Variants in CCDC73 observed in about 807,000 individuals in gnomAD.
The protein encoded by CCDC73 is coiled-coil domain containing 73.
Under a neutral mutation model 116.5 loss-of-function variants are expected in CCDC73, and 95 were observed. The observed-to-expected ratio is 0.82, with a 90% CI of 0.69 to 0.97. The LOEUF is 0.97. Among genes scored for constraint, CCDC73 ranks in the 50% least tolerant of loss-of-function variants. The probability of loss-of-function intolerance (pLI) is 0.00; values close to 1 mark genes in which losing one functional copy is unlikely to be tolerated. For synonymous variants in CCDC73, 398 were observed against 401.3 expected (o/e 0.99, Z 0.10); for missense variants, 1,066 against 1,206.8 (o/e 0.88, Z 1.73).
At chr11:32,641,382 A>G (rs561282856) in intron 13 of CCDC73, among the ~76,000 whole-genome samples, 1 of 152,184 alleles carries the variant, frequency 6.6e-6, no homozygotes, top group South Asian at 2.1e-4. Context: ...CTCATCTTAC[A>G]CTATTATCTA....
At chr11:32,787,703 G>A (rs1234638538) in intron 1 of CCDC73, among the ~76,000 whole-genome samples, 2 of 152,002 alleles carry the variant, frequency 1.3e-5, no homozygotes, top group Non-Finnish European at 1.5e-5. Context: ...GATGGCATTT[G>A]TCACAAAAAG....
At chr11:32,732,388 C>T (rs970368859) in intron 2 of CCDC73, among the ~76,000 whole-genome samples, 1 of 152,048 alleles carries the variant, frequency 6.6e-6, no homozygotes, top group Admixed American at 6.6e-5. Context: ...CCAAGGCAGG[C>T]CAACATTAAA....
chr11:32,656,807 A>G (rs1007105820), intron 9 of CCDC73, among the ~76,000 whole-genome samples: 1 of 152,118 alleles, frequency 6.6e-6, no homozygotes, highest in African/African-American at 2.4e-5. Context: ...AATCCTGACT[A>G]CTTAATTTTT....
At chr11:32,753,526 A>G (rs7947820) in intron 2 of CCDC73, among the ~76,000 whole-genome samples, 89,507 of 151,670 alleles carry the variant, frequency 0.59, 26,704 homozygotes, top group East Asian at 0.84. Flanking sequence ...GTGCAGTGAC[A>G]TGATCTTGGC....
chr11:32,796,867 G>A (rs530997596), upstream of CCDC73, among the ~76,000 whole-genome samples: 33 of 151,900 alleles, frequency 2.2e-4, 1 homozygote, highest in South Asian at 6.4e-3. Context: ...AAAATGAGCC[G>A]GGCATGGTGG....
At chr11:32,785,465 G>T (rs892343911) in intron 1 of CCDC73, among the ~76,000 whole-genome samples, 5 of 152,060 alleles carry the variant, frequency 3.3e-5, no homozygotes, top group African/African-American at 1.2e-4. Flanking sequence ...GCAGTGGCGT[G>T]ATCACAGCTC....
intron 12 of CCDC73, among the ~76,000 whole-genome samples, chr11:32,649,582 T>C (rs774297287): frequency 6.6e-6 from 1 of 152,214 alleles, no homozygotes; most frequent in Non-Finnish European, 1.5e-5. Context: ...ACACCTGAGA[T>C]ATCTATGCAA....
intron 16 of CCDC73, among the ~76,000 whole-genome samples, chr11:32,613,019 T>C (rs892966068): frequency 2.0e-5 from 3 of 152,206 alleles, no homozygotes; most frequent in Admixed American, 6.5e-5. Flanking sequence ...ATAGGAAATA[T>C]ATTAATGTTA....
rs766793994 is a variant in CCDC73, at chr11:32,614,718, GTGA to G, written c.1597_1599del (p.Ser533del). The G allele has an allele frequency of 6.2e-7, 1 of 1,611,862 alleles. No individual in the cohort carries two copies. Among genetic ancestry groups the G allele is most frequent in the South Asian group, 1.1e-5 (1 of 90,974 alleles). On this transcript the variant is annotated inframe_deletion, in exon 16 of 18. Transcript: ENST00000335185. ...TCTAACACTACAAAATGATTATTTG[GTGA>G]TTTAAATTCTGTACATCCATTGTCT...
At chr11:32,787,457 A>G (rs1421189386) in intron 1 of CCDC73, among the ~76,000 whole-genome samples, 2 of 152,338 alleles carry the variant, frequency 1.3e-5, no homozygotes, top group East Asian at 3.8e-4. Context: ...TTATATTTAC[A>G]ACTATAAAAA....
At chr11:32,661,766 G>A (rs1242188891) in intron 9 of CCDC73, among the ~76,000 whole-genome samples, 1 of 151,536 alleles carries the variant, frequency 6.6e-6, no homozygotes, top group African/African-American at 2.4e-5. Context: ...CATGTGCCAT[G>A]TTGGTGTGCT....
chr11:32,767,729 C>G (rs1175341120), intron 1 of CCDC73, among the ~76,000 whole-genome samples: 1 of 152,204 alleles, frequency 6.6e-6, no homozygotes, highest in Admixed American at 6.5e-5. Flanking sequence ...AAATGCTCAT[C>G]ATCACTGGCC....
At chr11:32,745,748 T>TTGG (rs1159676818) in intron 2 of CCDC73, among the ~76,000 whole-genome samples, 3 of 133,936 alleles carry the variant, frequency 2.2e-5, no homozygotes, top group East Asian at 2.3e-4. Context: ...TGTTTTGGTT[T>TTGG]TTTTTTTTTT....
At chr11:32,721,232 C>A (rs1849986917) in intron 2 of CCDC73, among the ~76,000 whole-genome samples, 1 of 152,108 alleles carries the variant, frequency 6.6e-6, no homozygotes, top group East Asian at 1.9e-4. Context: ...ACCATGTTGG[C>A]CAGGCTGGTC....
At chr11:32,820,944 T>C in the CCDC73 span, among the ~76,000 whole-genome samples, 1 of 152,236 alleles carries the variant, frequency 6.6e-6, no homozygotes, top group East Asian at 1.9e-4. Context: ...TTCGTTTCAG[T>C]ACTTTAAAGA....
chr11:32,812,670 CAAAAAAAA>C, the CCDC73 span, among the ~76,000 whole-genome samples: 147 of 103,064 alleles, frequency 1.4e-3, no homozygotes, highest in African/African-American at 5.2e-3. Flanking sequence ...ACTACATCTC[CAAAAAAAA>C]AAAAAAAAAA....
the CCDC73 span, chr11:32,830,556 C>T: frequency 6.2e-7 from 1 of 1,601,872 alleles, no homozygotes; most frequent in Non-Finnish European, 8.5e-7. Flanking sequence ...TTCTACTCAG[C>T]CAACTGCCCA....
At chr11:32,720,413 G>T (rs1231317200) in intron 2 of CCDC73, among the ~76,000 whole-genome samples, 1 of 152,020 alleles carries the variant, frequency 6.6e-6, no homozygotes, top group Non-Finnish European at 1.5e-5. Context: ...CGTACACTTA[G>T]CATCATATTT....
chr11:32,760,384 G>C (rs1850382068), intron 1 of CCDC73, 126 bp from the exon 2 acceptor site: 1 of 570,588 alleles, frequency 1.8e-6, no homozygotes, highest in African/African-American at 1.9e-5. Context: ...AATAACAGTT[G>C]TGTCATCACT....
Sources: allele counts gnomAD v4.1 joint callset (sites outside exome capture counted in the v4.1 genomes callset), GRCh38; gene constraint gnomAD v4.1.1; transcripts MANE v1.5; gene names NCBI Gene and HGNC (gene_info 2026-07-23, HGNC 2026-07-21).